The following SLC35F4 variants were observed in gnomAD, a reference collection of about 807,000 sequenced individuals.
The protein encoded by SLC35F4 is chromosome 14 open reading frame 36.
In SLC35F4, 24 loss-of-function variants were observed where a neutral mutation model predicts 44.2. That is an observed-to-expected ratio of 0.54 (90% confidence interval 0.39 to 0.76). SLC35F4 has a LOEUF of 0.76. Among genes scored for constraint, SLC35F4 ranks in the 30% least tolerant of loss-of-function variants. The pLI is 0.00. For synonymous variants in SLC35F4, 238 were observed against 223.6 expected (o/e 1.06, Z -0.57); for missense variants, 562 against 586.1 (o/e 0.96, Z 0.42).
At chr14:57,775,577 C>T (rs1473756065) in intron 1 of SLC35F4, among the ~76,000 whole-genome samples, 1 of 152,208 alleles carries the variant, frequency 6.6e-6, no homozygotes, top group African/African-American at 2.4e-5. Context: ...TGAAGCCAGT[C>T]AACTGAACCC....
chr14:57,744,986 T>C (rs1441871084), intron 1 of SLC35F4, among the ~76,000 whole-genome samples: 1 of 152,130 alleles, frequency 6.6e-6, no homozygotes, highest in African/African-American at 2.4e-5. Flanking sequence ...AAACAAGAAA[T>C]GGGGAAAGGA....
intron 1 of SLC35F4, among the ~76,000 whole-genome samples, chr14:57,639,275 C>A (rs937458632): frequency 5.9e-5 from 9 of 152,076 alleles, no homozygotes; most frequent in Non-Finnish European, 1.3e-4. Flanking sequence ...CTAAATATAT[C>A]CTGCCTCATT....
At chr14:57,565,837 G>C (rs1256914557) in intron 7 of SLC35F4, among the ~76,000 whole-genome samples, 1 of 152,096 alleles carries the variant, frequency 6.6e-6, no homozygotes, top group African/African-American at 2.4e-5. Flanking sequence ...TTTGCTGATT[G>C]TCGTGGAGGA....
intron 1 of SLC35F4, among the ~76,000 whole-genome samples, chr14:57,832,372 C>G (rs775470245): frequency 6.6e-6 from 1 of 152,036 alleles, no homozygotes. Flanking sequence ...AGTAGCTTGT[C>G]CAAAGTCACA....
chr14:57,880,973 T>C (rs1324580476), intron 1 of SLC35F4, among the ~76,000 whole-genome samples: 1 of 152,150 alleles, frequency 6.6e-6, no homozygotes, highest in Non-Finnish European at 1.5e-5. Context: ...GAAGTCAAAA[T>C]ATAATCAGAG....
At chr14:57,702,388 C>T (rs1161083150) in intron 1 of SLC35F4, among the ~76,000 whole-genome samples, 1 of 149,626 alleles carries the variant, frequency 6.7e-6, no homozygotes, top group South Asian at 2.1e-4. Context: ...GATACCAAAC[C>T]TGTGCCTGTT....
At chr14:57,815,940 T>C (rs1882519886) in intron 1 of SLC35F4, among the ~76,000 whole-genome samples, 2 of 152,122 alleles carry the variant, frequency 1.3e-5, no homozygotes, top group African/African-American at 4.8e-5. Context: ...AGAAGAAGCA[T>C]GCAGGATTAC....
intron 1 of SLC35F4, among the ~76,000 whole-genome samples, chr14:57,862,040 C>T (rs1263616600): frequency 6.6e-6 from 1 of 152,158 alleles, no homozygotes; most frequent in Non-Finnish European, 1.5e-5. Flanking sequence ...TTTAGTATCT[C>T]TAAAACGTTA....
chr14:57,754,599 C>T (rs1176059284), intron 1 of SLC35F4, among the ~76,000 whole-genome samples: 1 of 152,138 alleles, frequency 6.6e-6, no homozygotes, highest in Non-Finnish European at 1.5e-5. Flanking sequence ...GTGCATGACC[C>T]GTGCATGGAG....
chr14:57,585,005 G>A (rs901449066), intron 3 of SLC35F4, among the ~76,000 whole-genome samples: 1 of 152,150 alleles, frequency 6.6e-6, no homozygotes, highest in African/African-American at 2.4e-5. Context: ...ATTTGGATGG[G>A]AATCAAATAT....
chr14:57,678,737 T>C (rs534142575), intron 1 of SLC35F4, among the ~76,000 whole-genome samples: 10 of 150,366 alleles, frequency 6.7e-5, no homozygotes, highest in African/African-American at 2.4e-4. Flanking sequence ...TAGTCTCTGA[T>C]AAAACAGACT....
At chr14:57,634,355 A>C (rs1186289817) in intron 1 of SLC35F4, among the ~76,000 whole-genome samples, 1 of 152,156 alleles carries the variant, frequency 6.6e-6, no homozygotes, top group East Asian at 1.9e-4. Flanking sequence ...TTATTCTTTC[A>C]TTCACTGTAC....
rs193161301 is a variant in SLC35F4, at chr14:57,894,694, T to C, written n.282+87219A>G. ...TAAAATTTGGAGGCAAAACTACTTATATTCATGGAATAATTAACCTTTCAC... is the reference window on the plus strand; with the variant it reads ...TAAAATTTGGAGGCAAAACTACTTACATTCATGGAATAATTAACCTTTCAC... On this transcript the variant is annotated intron_variant and non_coding_transcript_variant, in intron 1 of 1. Coordinates refer to the SLC35F4 transcript ENST00000556568. Among the ~76,000 whole-genome samples the C allele has an allele frequency of 4.8e-4, 73 of 152,286 alleles. 1 individual carries two copies. Among genetic ancestry groups the C allele is most frequent in the Admixed American group, 9.2e-4 (14 of 15,284 alleles).
In SLC35F4 at chr14:57,564,100, A is replaced by C; in HGVS notation, c.*35T>G. 2 of 1,609,570 alleles carry C rather than the reference A, an allele frequency of 1.2e-6. No individual in the cohort carries two copies. Among genetic ancestry groups the C allele is most frequent in the Non-Finnish European group, 1.7e-6 (2 of 1,176,790 alleles). On this transcript the variant is annotated 3_prime_UTR_variant, in exon 8 of 8. Coordinates refer to ENST00000556826, the MANE Select transcript of SLC35F4 (RefSeq NM_001306087.2). Reference sequence around the variant, plus strand: ...GAGAAAATTTTGTTATATTCACAGAATATACATACACGTGCATTCAAAATA... The same window carrying C: ...GAGAAAATTTTGTTATATTCACAGACTATACATACACGTGCATTCAAAATA...
rs150254519 is a variant in SLC35F4, at chr14:57,962,425, G to A, written n.282+19488C>T. Among the ~76,000 whole-genome samples the A allele has an allele frequency of 1.1e-4, 17 of 152,276 alleles. No individual in the cohort carries two copies. The East Asian group carries it at 3.1e-3, about 28-fold the overall frequency. ...GAGCAGCCCTGGCAGCTCCCATTAA[G>A]CCAGCAGTGGCTGCGGCGCAGATTC... is the stretch of plus-strand genomic sequence containing the variant. On this transcript the variant is annotated intron_variant and non_coding_transcript_variant, in intron 1 of 1. Coordinates refer to the SLC35F4 transcript ENST00000556568.
At chr14:57,760,611 C>T (rs2077102143) in intron 1 of SLC35F4, among the ~76,000 whole-genome samples, 1 of 152,070 alleles carries the variant, frequency 6.6e-6, no homozygotes, top group Non-Finnish European at 1.5e-5. Flanking sequence ...AGTTCAGGTG[C>T]TTAAAAACAG....
intron 1 of SLC35F4, among the ~76,000 whole-genome samples, chr14:57,687,104 G>A (rs1197938112): frequency 1.3e-5 from 2 of 152,162 alleles, no homozygotes; most frequent in Non-Finnish European, 2.9e-5. Context: ...AGAGGCCTCA[G>A]ATGGAACCAA....
At chr14:57,905,439 G>T (rs920810449) in intron 1 of SLC35F4, among the ~76,000 whole-genome samples, 1 of 152,348 alleles carries the variant, frequency 6.6e-6, no homozygotes, top group African/African-American at 2.4e-5. Flanking sequence ...CCATGCAAGG[G>T]TGTGAATACC....
intron 1 of SLC35F4, among the ~76,000 whole-genome samples, chr14:57,884,297 TA>T (rs1418768326): frequency 1.3e-5 from 2 of 152,192 alleles, no homozygotes; most frequent in African/African-American, 4.8e-5. Flanking sequence ...TAATCACCTT[TA>T]ATTTAATTTA....
Sources: gnomAD v4.1 joint callset for allele counts (sites outside exome capture counted in the v4.1 genomes callset) on GRCh38, gnomAD v4.1.1 for gene constraint, MANE v1.5 for transcripts, NCBI Gene and HGNC (gene_info 2026-07-23, HGNC 2026-07-21) for gene names.